Variants in SYNE1 observed in about 807,000 individuals in gnomAD.
The protein encoded by SYNE1 is nesprin-1.
In SYNE1, 616 loss-of-function variants were observed where a neutral mutation model predicts 1,111.0. The observed-to-expected ratio is 0.55, with a 90% CI of 0.52 to 0.59. The LOEUF is 0.59. Ranked by LOEUF, SYNE1 falls within the 20% of genes least tolerant of loss-of-function variation. The pLI, the probability that SYNE1 is intolerant of heterozygous loss-of-function variation, is 0.00. For missense variants in SYNE1, 10,006 were observed against 10,417.0 expected (o/e 0.96, Z 1.72); for synonymous variants, 3,855 against 3,825.8 (o/e 1.01, Z -0.28).
chr6:152,154,778 G>C, intron 133 of SYNE1, 114 bp downstream of exon 133: 2 of 1,211,896 alleles, frequency 1.7e-6, no homozygotes, highest in South Asian at 2.5e-5. Flanking sequence ...TCCTCACGCA[G>C]CAATTTGAGC....
At chr6:152,463,703 CT>C (rs1007911952) in intron 18 of SYNE1, among the ~76,000 whole-genome samples, 186 bp from the exon 19 acceptor site, 6 of 152,054 alleles carry the variant, frequency 3.9e-5, no homozygotes, top group Admixed American at 3.3e-4. Context: ...GAGATACTGT[CT>C]TTTTTTATAA....
At chr6:152,142,028 A>G (rs1265068141) in intron 138 of SYNE1, among the ~76,000 whole-genome samples, 4 of 152,138 alleles carry the variant, frequency 2.6e-5, no homozygotes, top group African/African-American at 9.7e-5. Flanking sequence ...AGCTAAGACC[A>G]TGACACCGCA....
At chr6:152,380,943 A>G in intron 56 of SYNE1, 63 bp downstream of exon 56, 1 of 1,528,660 alleles carries the variant, frequency 6.5e-7, no homozygotes, top group Non-Finnish European at 9.1e-7. Flanking sequence ...TTTTTAAGGA[A>G]TGATGAAAGT....
Position 152,344,072 on chromosome 6 carries a change from G to C in SYNE1, c.12225+9C>G. 1 of 1,614,178 alleles carries C rather than the reference G, an allele frequency of 6.2e-7. No individual in the cohort carries two copies. Among genetic ancestry groups the C allele is most frequent in the Non-Finnish European group, 8.5e-7 (1 of 1,180,012 alleles). ...ACAAGAATAACACAAACTTTCAGGA[G>C]TTTACTACCTGCTTAATGGCTTCTG... On this transcript the variant is annotated intron_variant, in intron 74 of 145. Coordinates refer to ENST00000367255, the MANE Select transcript of SYNE1 (RefSeq NM_182961.4).
rs536598838 is a variant in SYNE1, at chr6:152,137,807, T to C, written c.25459-989A>G. On this transcript the variant is annotated intron_variant, in intron 140 of 145. Coordinates refer to ENST00000367255, the MANE Select transcript of SYNE1 (RefSeq NM_182961.4). ...GATTCAACCACACAGACAACATGGG[T>C]TTAAGAGACACTGTGGAAAATACTT... Among the ~76,000 whole-genome samples the C allele has an allele frequency of 2.0e-5, 3 of 152,216 alleles. No individual in the cohort carries two copies. In the East Asian group the frequency reaches 5.8e-4, roughly 29 times the overall value.
intron 18 of SYNE1, 72 bp downstream of exon 18, chr6:152,465,186 G>A (rs2098757213): frequency 6.6e-7 from 1 of 1,517,208 alleles, no homozygotes; most frequent in Admixed American, 1.7e-5. Context: ...ACCCCCTAGT[G>A]AGCTACGCTG....
intron 127 of SYNE1, among the ~76,000 whole-genome samples, chr6:152,190,448 T>C (rs1014249624): frequency 2.0e-5 from 3 of 152,212 alleles, no homozygotes; most frequent in Non-Finnish European, 2.9e-5. Context: ...TTTGTGAAAA[T>C]AAAATTTATT....
intron 73 of SYNE1, among the ~76,000 whole-genome samples, chr6:152,346,637 C>T (rs1386461748): frequency 1.3e-5 from 2 of 151,866 alleles, no homozygotes; most frequent in African/African-American, 4.8e-5. Flanking sequence ...GGTGAAACCC[C>T]GTCTCTACTA....
At chr6:152,573,956 G>A (rs890872540) in intron 3 of SYNE1, among the ~76,000 whole-genome samples, 3 of 151,936 alleles carry the variant, frequency 2.0e-5, no homozygotes, top group Non-Finnish European at 2.9e-5. Flanking sequence ...TTAACTTTAC[G>A]GGCTGTGGGA....
Position 152,385,657 on chromosome 6 carries a change from T to G in SYNE1, c.8652+17A>C. ...GGAATGAAGCAATGTAGATATAGCA[T>G]CTGTTCATTTCCTGACCTTAATTTT... On this transcript the variant is annotated intron_variant, in intron 55 of 145. Transcript: ENST00000367255. The G allele has an allele frequency of 6.2e-7, 1 of 1,613,762 alleles. No individual in the cohort carries two copies. Among genetic ancestry groups the G allele is most frequent in the Non-Finnish European group, 8.5e-7 (1 of 1,179,644 alleles).
intron 3 of SYNE1, among the ~76,000 whole-genome samples, chr6:152,562,496 A>C (rs1243728790): frequency 6.6e-6 from 1 of 152,182 alleles, no homozygotes; most frequent in East Asian, 1.9e-4. Context: ...AAGATTTCTC[A>C]AAAAAATTAA....
Position 152,242,280 on chromosome 6 carries a change from G to A in SYNE1, c.19853C>T (p.Ser6618Phe), listed in dbSNP as rs550401288. 3.1e-6 allele frequency: 5 copies of A among 1,614,038 alleles called. No individual in the cohort carries two copies. In the African/African-American group the frequency reaches 4.0e-5, roughly 13 times the overall value. ...TAGTTGCTGGATTTCCTCTTTGGAA[G>A]ACACGATGATTTTCTGGTCTCCTGC... is the stretch of plus-strand genomic sequence containing the variant. ...KMAGDQKIIV[S>F]SKEEIQQLLD... Residue 6618 changes from serine (S) to phenylalanine (F), a missense_variant, in exon 107 of 146, where the codon TCT becomes TTT. Transcript: ENST00000367255.
chr6:152,218,243 T>G lies in SYNE1; in HGVS notation c.22191+14A>C, dbSNP rs765194075. 6.2e-7 allele frequency: 1 copy of G among 1,614,020 alleles called. No individual in the cohort carries two copies. The highest frequency in any genetic ancestry group is 8.5e-7 in the Non-Finnish European group (1 of 1,179,932). On this transcript the variant is annotated intron_variant, in intron 121 of 145. Coordinates refer to ENST00000367255, the MANE Select transcript of SYNE1 (RefSeq NM_182961.4). ...ATGGTAAAAGATCTGGGACTCAGATTTGAACACACTTACCTTAAGTTCTTC... is the reference window on the plus strand; with the variant it reads ...ATGGTAAAAGATCTGGGACTCAGATGTGAACACACTTACCTTAAGTTCTTC...
At chr6:152,458,442 G>A (rs1468027368) in intron 22 of SYNE1, among the ~76,000 whole-genome samples, 1 of 152,128 alleles carries the variant, frequency 6.6e-6, no homozygotes, top group Non-Finnish European at 1.5e-5. Context: ...ATAGAAAGGG[G>A]AGCTGGGTGC....
At chr6:152,220,106 C>T (rs150841425) in intron 119 of SYNE1, among the ~76,000 whole-genome samples, 355 of 152,186 alleles carry the variant, frequency 2.3e-3, no homozygotes, top group African/African-American at 7.6e-3. Context: ...TTTAAAATAC[C>T]CATCTTTAGC....
rs10601350 is a variant in SYNE1 at position 152,568,289 on chromosome 6, CTTTTTTTTTTTT to C, written c.68-28280_68-28269del. Among the ~76,000 whole-genome samples the C allele has an allele frequency of 2.5e-3, 197 of 80,294 alleles. 2 individuals carry two copies. Among genetic ancestry groups the C allele is most frequent in the Admixed American group, 4.5e-3 (26 of 5,784 alleles). 52.7% of individuals were successfully genotyped at this position (80,294 alleles called of 152,430 possible). ...AGTTAAATTTTTATTTTATTTTATTCTTTTTTTTTTTTTTTTTTTTTTTTTGAGATAGCATCT... is the reference window on the plus strand; with the variant it reads ...AGTTAAATTTTTATTTTATTTTATTCTTTTTTTTTTTTTGAGATAGCATCT... On this transcript the variant is annotated intron_variant, in intron 3 of 145. Transcript: ENST00000367255.
chr6:152,536,213 A>C (rs1258569579), intron 4 of SYNE1, among the ~76,000 whole-genome samples: 1 of 150,510 alleles, frequency 6.6e-6, no homozygotes, highest in Non-Finnish European at 1.5e-5. Context: ...CTTCTTTTTC[A>C]GCCTCTCCCT....
At chr6:152,603,260 C>T (rs1853282) in intron 3 of SYNE1, among the ~76,000 whole-genome samples, 6,619 of 152,136 alleles carry the variant, frequency 0.044, 499 homozygotes, top group African/African-American at 0.15. Flanking sequence ...TCCAGTATGC[C>T]TATATATTAC....
intron 105 of SYNE1, among the ~76,000 whole-genome samples, chr6:152,245,606 C>T (rs2086906671): frequency 6.6e-6 from 1 of 152,122 alleles, no homozygotes; most frequent in Non-Finnish European, 1.5e-5. Context: ...AAAACAATGC[C>T]AACAATATGT....
Sources: gnomAD v4.1 joint callset for allele counts (sites outside exome capture counted in the v4.1 genomes callset) on GRCh38, gnomAD v4.1.1 for gene constraint, MANE v1.5 for transcripts, NCBI Gene and HGNC (gene_info 2026-07-23, HGNC 2026-07-21) for gene names.